CACNA2D1: variants seen among roughly 807,000 people sequenced by gnomAD.
The protein encoded by CACNA2D1 is calcium voltage-gated channel auxiliary subunit alpha2delta 1.
A neutral mutation model predicts 171.5 loss-of-function variants in CACNA2D1; 53 were observed. The ratio of observed to expected loss-of-function variants is 0.31; its 90% CI spans 0.25 to 0.39. The LOEUF (loss-of-function observed/expected upper bound fraction) is 0.39, where lower values mean the gene tolerates loss of function less well. CACNA2D1 is among the 10% of genes least tolerant of loss of function. CACNA2D1 has a pLI of 1.00. For synonymous variants in CACNA2D1, 442 were observed against 443.1 expected (o/e 1.00, Z 0.03); for missense variants, 903 against 1,299.8 (o/e 0.69, Z 4.69).
chr7:82,189,969 T>C (rs910573966), intron 3 of CACNA2D1, among the ~76,000 whole-genome samples: 1 of 151,956 alleles, frequency 6.6e-6, no homozygotes, highest in Admixed American at 6.6e-5. Flanking sequence ...ATTATGCTTA[T>C]ATTTCAAAGA....
chr7:81,987,257 C>A (rs1389341575), intron 21 of CACNA2D1, among the ~76,000 whole-genome samples: 1 of 152,146 alleles, frequency 6.6e-6, no homozygotes, highest in African/African-American at 2.4e-5. Context: ...TATCAACATT[C>A]CTAGTCAATG....
intron 3 of CACNA2D1, among the ~76,000 whole-genome samples, chr7:82,294,250 TG>T (rs1225425332): frequency 6.6e-6 from 1 of 152,122 alleles, no homozygotes; most frequent in Non-Finnish European, 1.5e-5. Flanking sequence ...TACTTAAAAT[TG>T]ACAGTAAAAA....
intron 20 of CACNA2D1, among the ~76,000 whole-genome samples, chr7:81,992,788 T>A (rs1434819185): frequency 1.3e-5 from 2 of 152,212 alleles, no homozygotes; most frequent in Non-Finnish European, 2.9e-5. Flanking sequence ...TTGAAAGTAT[T>A]CTCAGATTAG....
chr7:82,166,010 T>A (rs114412210), intron 4 of CACNA2D1, among the ~76,000 whole-genome samples: 1 of 152,026 alleles, frequency 6.6e-6, no homozygotes, highest in Admixed American at 6.6e-5. Context: ...CGATTCTAAG[T>A]AAAACAAATA....
intron 32 of CACNA2D1, among the ~76,000 whole-genome samples, chr7:81,965,071 A>G (rs1294324488): frequency 6.6e-6 from 1 of 151,890 alleles, no homozygotes; most frequent in Non-Finnish European, 1.5e-5. Context: ...GCTCCACCCC[A>G]TAAATCCTGT....
intron 6 of CACNA2D1, among the ~76,000 whole-genome samples, chr7:82,096,289 T>C (rs1811851379): frequency 1.3e-5 from 2 of 151,984 alleles, no homozygotes; most frequent in Non-Finnish European, 2.9e-5. Flanking sequence ...AAAACTGTAT[T>C]TATAAAAACA....
At position 82,305,870 on chromosome 7, in the gene CACNA2D1, C is replaced by T. The variant is rs867775893; in HGVS notation, c.294+29265G>A. ...TTTGAAGCTCTTTTGAAGCTGCAGTCGAGGGAACTCAGAATCTGTCAGGCT... is the reference window on the plus strand; with the variant it reads ...TTTGAAGCTCTTTTGAAGCTGCAGTTGAGGGAACTCAGAATCTGTCAGGCT... On this transcript the variant is annotated intron_variant, in intron 3 of 38. Coordinates refer to ENST00000356860, the MANE Select transcript of CACNA2D1 (RefSeq NM_000722.4). 2.0e-5 allele frequency among the ~76,000 whole-genome samples: 3 copies of T among 152,108 alleles called. No homozygotes were observed. In the South Asian group the frequency reaches 6.2e-4, roughly 32 times the overall value.
intron 6 of CACNA2D1, among the ~76,000 whole-genome samples, chr7:82,105,616 C>T (rs1010135015): frequency 3.3e-5 from 5 of 152,008 alleles, no homozygotes; most frequent in East Asian, 1.9e-4. Context: ...CTTCCACCAA[C>T]GGCCTGTATG....
chr7:82,295,412 T>C (rs758006), intron 3 of CACNA2D1, among the ~76,000 whole-genome samples: 60,742 of 151,314 alleles, frequency 0.4, 12,775 homozygotes, highest in African/African-American at 0.52. Flanking sequence ...TCACTGCTCA[T>C]TGCAGCCTTG....
At chr7:82,095,651 A>C (rs551967602) in intron 6 of CACNA2D1, among the ~76,000 whole-genome samples, 2 of 152,256 alleles carry the variant, frequency 1.3e-5, no homozygotes. Context: ...GTTTTGGTAC[A>C]TACTAACAAT....
intron 3 of CACNA2D1, among the ~76,000 whole-genome samples, chr7:82,184,083 T>TA (rs532720700): frequency 2.5e-3 from 358 of 144,178 alleles, no homozygotes; most frequent in African/African-American, 6.2e-3. Context: ...AGGATGGTTT[T>TA]AAAAAAAAAA....
rs187467705 is a variant in CACNA2D1, at chr7:82,124,894, A to T, written c.397-7721T>A. Among the ~76,000 whole-genome samples, 812 of 149,204 alleles carry T rather than the reference A, an allele frequency of 5.4e-3. 2 individuals are homozygous for T. The highest frequency in any genetic ancestry group is 0.014 in the Middle Eastern group (4 of 292). ...GTTACATACTATAAGACAGCTTTTT[A>T]AAAAAAAAATGCTAGAAAAGAAACC... On this transcript the variant is annotated intron_variant, in intron 5 of 38. Coordinates refer to ENST00000356860, the MANE Select transcript of CACNA2D1 (RefSeq NM_000722.4).
At chr7:82,374,314 A>G (rs1266293081) in intron 1 of CACNA2D1, among the ~76,000 whole-genome samples, 1 of 152,214 alleles carries the variant, frequency 6.6e-6, no homozygotes, top group Non-Finnish European at 1.5e-5. Flanking sequence ...ACAAAACAAT[A>G]TAATTGACCA....
chr7:82,118,051 G>A (rs74606431), intron 5 of CACNA2D1, among the ~76,000 whole-genome samples: 12,277 of 152,080 alleles, frequency 0.081, 629 homozygotes, highest in South Asian at 0.14. Flanking sequence ...AAGAAAGTAT[G>A]CTAGGAAAGA....
intron 6 of CACNA2D1, among the ~76,000 whole-genome samples, chr7:82,113,781 T>C (rs888003169): frequency 6.6e-6 from 1 of 152,204 alleles, no homozygotes; most frequent in Admixed American, 6.5e-5. Context: ...ATTTTCCAGA[T>C]CTTGTGGACA....
At chr7:82,045,380 C>T (rs1181400322) in intron 10 of CACNA2D1, among the ~76,000 whole-genome samples, 2 of 152,044 alleles carry the variant, frequency 1.3e-5, no homozygotes, top group Non-Finnish European at 2.9e-5. Context: ...AACCTATGAG[C>T]CTATTCCTTT....
At position 82,367,730 on chromosome 7, in the gene CACNA2D1, A is replaced by G. The variant is rs1821903018; in HGVS notation, c.96-18081T>C. Among the ~76,000 whole-genome samples, 2 of 152,186 alleles carry G rather than the reference A, an allele frequency of 1.3e-5. 1 individual carries two copies. Among genetic ancestry groups the G allele is most frequent in the South Asian group, 4.1e-4 (2 of 4,832 alleles). ...TGAGGCAAGCAAGCAGAGTAGTCAAATTGGTATATTAGCAAGGCGTGATGA... is the reference window on the plus strand; with the variant it reads ...TGAGGCAAGCAAGCAGAGTAGTCAAGTTGGTATATTAGCAAGGCGTGATGA... On this transcript the variant is annotated intron_variant, in intron 1 of 38. Transcript: ENST00000356860.
chr7:82,054,824 T>A (rs78181656), intron 10 of CACNA2D1, among the ~76,000 whole-genome samples: 2,504 of 152,336 alleles, frequency 0.016, 70 homozygotes, highest in African/African-American at 0.055. Flanking sequence ...GATTTTCATC[T>A]GCAGTGATCA....
At chr7:82,309,397 A>T (rs1043813136) in intron 3 of CACNA2D1, among the ~76,000 whole-genome samples, 3 of 151,888 alleles carry the variant, frequency 2.0e-5, no homozygotes, top group Non-Finnish European at 2.9e-5. Context: ...CAAGAGTGAA[A>T]CTATGTCTCA....
Sources: gnomAD v4.1 joint callset for allele counts (sites outside exome capture counted in the v4.1 genomes callset) on GRCh38, gnomAD v4.1.1 for gene constraint, MANE v1.5 for transcripts, NCBI Gene and HGNC (gene_info 2026-07-23, HGNC 2026-07-21) for gene names.